The following CWF19L2 variants were observed in gnomAD, a reference collection of about 807,000 sequenced individuals.
The protein encoded by CWF19L2 is CWF19-like protein 2.
CWF19L2 carries 98 observed loss-of-function variants against 111.7 expected under a neutral mutation model. The observed-to-expected ratio is 0.88, with a 90% CI of 0.75 to 1.04. The LOEUF is 1.04. Among genes scored for constraint, CWF19L2 ranks in the 50% least tolerant of loss-of-function variants. The pLI is 0.00. For synonymous variants in CWF19L2, 351 were observed against 342.9 expected (o/e 1.02, Z -0.26); for missense variants, 1,101 against 1,051.4 (o/e 1.05, Z -0.65).
chr11:107,330,509 G>A (rs1238028550), intron 16 of CWF19L2, among the ~76,000 whole-genome samples: 1 of 151,792 alleles, frequency 6.6e-6, no homozygotes, highest in Non-Finnish European at 1.5e-5. Flanking sequence ...CTGGTGAAGT[G>A]GATACAGCAA....
intron 10 of CWF19L2, chr11:107,404,388 T>C (rs1861049349): frequency 1.3e-6 from 1 of 788,050 alleles, no homozygotes; most frequent in Non-Finnish European, 2.4e-6. Context: ...ATCAGCAGCT[T>C]ATCTGGTGGC....
At chr11:107,439,352 T>C (rs1283452426) in intron 5 of CWF19L2, among the ~76,000 whole-genome samples, 169 bp from the exon 6 acceptor site, 1 of 152,248 alleles carries the variant, frequency 6.6e-6, no homozygotes, top group Non-Finnish European at 1.5e-5. Flanking sequence ...TAAATTCACA[T>C]TCATTCAATG....
At chr11:107,378,791 T>G (rs1388418780) in intron 12 of CWF19L2, among the ~76,000 whole-genome samples, 61 of 151,278 alleles carry the variant, frequency 4.0e-4, no homozygotes, top group Admixed American at 4.0e-3. Flanking sequence ...TAAATAAAAA[T>G]AAAATAAAGT....
At chr11:107,454,626 AG>A in intron 2 of CWF19L2, 54 bp from the exon 3 acceptor site, 1 of 1,219,720 alleles carries the variant, frequency 8.2e-7, no homozygotes. Flanking sequence ...TTAATTTAAA[AG>A]GATGTATTCT....
intron 10 of CWF19L2, among the ~76,000 whole-genome samples, chr11:107,409,920 G>A (rs144697131): frequency 6.6e-6 from 1 of 152,204 alleles, no homozygotes; most frequent in East Asian, 1.9e-4. Context: ...AAGATGTCAA[G>A]TATTACTCTA....
intron 5 of CWF19L2, among the ~76,000 whole-genome samples, chr11:107,441,118 T>C (rs1861613453): frequency 6.6e-6 from 1 of 152,172 alleles, no homozygotes; most frequent in Admixed American, 6.5e-5. Flanking sequence ...AACAATAAAG[T>C]ATAAAATAAG....
intron 14 of CWF19L2, among the ~76,000 whole-genome samples, chr11:107,341,956 T>C (rs1014602892): frequency 6.6e-6 from 1 of 152,144 alleles, no homozygotes; most frequent in Non-Finnish European, 1.5e-5. Flanking sequence ...TCATTTTTTT[T>C]CCTTTGTTGG....
chr11:107,385,508 T>G (rs1264637924), intron 12 of CWF19L2, among the ~76,000 whole-genome samples: 2 of 152,162 alleles, frequency 1.3e-5, no homozygotes, highest in African/African-American at 4.8e-5. Flanking sequence ...ATTAAAAAAA[T>G]CAAAGATGTA....
intron 12 of CWF19L2, among the ~76,000 whole-genome samples, chr11:107,379,535 A>G (rs988892415): frequency 6.6e-6 from 1 of 152,258 alleles, no homozygotes; most frequent in African/African-American, 2.4e-5. Context: ...AATAACAACC[A>G]TCCACATGAG....
rs1185805619 is a variant in CWF19L2, at chr11:107,392,779, C to T, written c.1734G>A (p.Met578Ile). The T allele has an allele frequency of 7.8e-6, 12 of 1,541,624 alleles. No individual in the cohort carries two copies. Among genetic ancestry groups the T allele is most frequent in the Middle Eastern group, 3.4e-4 (2 of 5,912 alleles). The change falls in exon 11 of 18, where the codon ATG (methionine) becomes ATA (isoleucine). Residue 578 changes from methionine to isoleucine, a missense_variant and splice_region_variant. Coordinates refer to ENST00000282251, the MANE Select transcript of CWF19L2 (RefSeq NM_152434.3). ...AAACAAAGACATATGTTAAACATAC[C>T]ATCTGTCTCTTTCTTCTTCCTCCTT... ...ESQGGRRKRQMVSTHEERERV... is the reference protein window; with the variant it reads ...ESQGGRRKRQIVSTHEERERV...
chr11:107,361,763 T>C (rs992068822), intron 12 of CWF19L2, among the ~76,000 whole-genome samples: 3 of 152,230 alleles, frequency 2.0e-5, no homozygotes, highest in Admixed American at 1.3e-4. Flanking sequence ...GATGACTTCA[T>C]TCTCAGCTAC....
chr11:107,373,828 C>T lies in CWF19L2; in HGVS notation c.1872+16246G>A, dbSNP rs367910223. Among the ~76,000 whole-genome samples, 9 of 132,658 alleles carry T rather than the reference C, an allele frequency of 6.8e-5. 1 individual carries two copies. The South Asian group carries it at 1.3e-3, about 19-fold the overall frequency. 87.0% of individuals were successfully genotyped at this position (132,658 alleles called of 152,430 possible). On this transcript the variant is annotated intron_variant, in intron 12 of 17. Coordinates refer to ENST00000282251, the MANE Select transcript of CWF19L2 (RefSeq NM_152434.3). ...CAGACGATCAAATTACTCCGACCTACGGGAGGACACTCGAACCAAAGGCAA... is the reference window on the plus strand; with the variant it reads ...CAGACGATCAAATTACTCCGACCTATGGGAGGACACTCGAACCAAAGGCAA...
intron 12 of CWF19L2, among the ~76,000 whole-genome samples, chr11:107,379,284 G>GGACATCTGGCAATATCTGGA (rs1261363297): frequency 1.3e-5 from 2 of 152,126 alleles, no homozygotes; most frequent in Non-Finnish European, 2.9e-5. Flanking sequence ...CCCTTATTTG[G>GGACATCTGGCAATATCTGGA]GACATCTGGC....
At position 107,372,589 on chromosome 11, in the gene CWF19L2, C is replaced by A. The variant is rs1427067323; in HGVS notation, c.1872+17485G>T. The stretch of plus-strand genomic sequence containing the variant: ...AGCCTAACAGCAACAAAATACCATT[C>A]AAAATGTTTAAACCTAGGGACTAAA... On this transcript the variant is annotated intron_variant, in intron 12 of 17. Transcript: ENST00000282251. Among the ~76,000 whole-genome samples the A allele has an allele frequency of 5.1e-5, 7 of 136,500 alleles. 2 individuals carry two copies. Among genetic ancestry groups the A allele is most frequent in the Non-Finnish European group, 1.1e-4 (7 of 63,918 alleles). 89.5% of individuals were successfully genotyped at this position (136,500 alleles called of 152,430 possible).
intron 10 of CWF19L2, among the ~76,000 whole-genome samples, chr11:107,396,657 C>A (rs1860926076): frequency 6.6e-6 from 1 of 152,240 alleles, no homozygotes; most frequent in South Asian, 2.1e-4. Context: ...ATTCAAGAGA[C>A]CGTGGCAGAC....
At chr11:107,398,229 A>C (rs560158454) in intron 10 of CWF19L2, among the ~76,000 whole-genome samples, 1 of 152,006 alleles carries the variant, frequency 6.6e-6, no homozygotes, top group South Asian at 2.1e-4. Flanking sequence ...TTATTAAGCT[A>C]ATCAGGGAGG....
At chr11:107,401,289 G>A (rs547630655) in intron 10 of CWF19L2, among the ~76,000 whole-genome samples, 1 of 152,196 alleles carries the variant, frequency 6.6e-6, no homozygotes, top group African/African-American at 2.4e-5. Context: ...ACTGTTTGCT[G>A]ACGATATGAT....
chr11:107,355,192 G>A (rs916011891), intron 12 of CWF19L2, among the ~76,000 whole-genome samples: 5 of 152,122 alleles, frequency 3.3e-5, no homozygotes, highest in South Asian at 2.1e-4. Context: ...CAAGGCAGGC[G>A]GATCACGAGG....
At chr11:107,372,414 G>GA (rs1366769470) in intron 12 of CWF19L2, among the ~76,000 whole-genome samples, 4 of 135,786 alleles carry the variant, frequency 2.9e-5, no homozygotes, top group Non-Finnish European at 6.3e-5. Flanking sequence ...TGTGGCAGCA[G>GA]AAAGCACATT....
Sources: allele counts gnomAD v4.1 joint callset (sites outside exome capture counted in the v4.1 genomes callset), GRCh38; gene constraint gnomAD v4.1.1; transcripts MANE v1.5; gene names NCBI Gene and HGNC (gene_info 2026-07-23, HGNC 2026-07-21).